SEC61A1: variants seen among roughly 807,000 people sequenced by gnomAD.
SEC61A1 encodes protein transport protein Sec61 subunit alpha isoform 1.
A neutral mutation model predicts 55.2 loss-of-function variants in SEC61A1; 15 were observed. The observed-to-expected ratio is 0.27, with a 90% CI of 0.18 to 0.42. SEC61A1 has a LOEUF of 0.42. Ranked by LOEUF, SEC61A1 falls within the 10% of genes least tolerant of loss-of-function variation. The pLI is 1.00. For synonymous variants in SEC61A1, 247 were observed against 234.0 expected (o/e 1.06, Z -0.51); for missense variants, 284 against 602.6 (o/e 0.47, Z 5.53).
rs1457241211 is a variant in SEC61A1 at position 128,067,320 on chromosome 3, C to T, written c.976-101C>T. The T allele has an allele frequency of 1.3e-5, 17 of 1,350,162 alleles. No homozygotes were observed. Among genetic ancestry groups the T allele is most frequent in the South Asian group, 2.7e-5 (2 of 73,470 alleles). The allele number at this position is 1,350,162 out of a possible 1,614,324, so 83.6% of individuals were successfully genotyped here. ...AGTAAAAAAATTGTACTGTGGGCAC[C>T]GAGTAAAATTGCATTCTTTCATCTG... On this transcript the variant is annotated intron_variant, in intron 9 of 11. Transcript: ENST00000243253. The surrounding 1 kb of genome is among the most constrained non-coding windows in gnomAD (Gnocchi z 4.1).
chr3:128,067,037 C>A lies in SEC61A1; in HGVS notation c.861C>A (p.Ser287=), dbSNP rs751387909. The A allele has an allele frequency of 6.2e-7, 1 of 1,614,188 alleles. No individual in the cohort carries two copies. Among genetic ancestry groups the A allele is most frequent in the Non-Finnish European group, 8.5e-7 (1 of 1,180,016 alleles). ...NTYPIKLFYT[S]NIPIILQSAL... ...ATCCCATCAAGCTCTTCTATACGTC[C>A]AACATCCCCATCATCCTGCAGTCTG... Residue 287 remains serine (S), a synonymous_variant, in exon 9 of 12, where the codon TCC becomes TCA. Coordinates refer to ENST00000243253, the MANE Select transcript of SEC61A1 (RefSeq NM_013336.4). The surrounding 1 kb of genome is among the most constrained non-coding windows in gnomAD (Gnocchi z 4.1).
upstream of SEC61A1, chr3:128,052,318 C>G: frequency 2.6e-6 from 1 of 383,870 alleles, no homozygotes; most frequent in Non-Finnish European, 3.6e-6. Flanking sequence ...GGCGAAGCGG[C>G]GCGGCGCGGC....
rs1941709060 is a variant in SEC61A1 at position 128,052,752 on chromosome 3, C to A, written c.8-83C>A. ...TCCCCTGGCCCCTGCTCTCACTCGT[C>A]GTGGGCAGAAGGCGTCCCTGGGTAG... On this transcript the variant is annotated intron_variant, in intron 1 of 11. Coordinates refer to ENST00000243253, the MANE Select transcript of SEC61A1 (RefSeq NM_013336.4). 6 of 1,510,726 alleles carry A rather than the reference C, an allele frequency of 4.0e-6. No homozygotes were observed. In the East Asian group the frequency reaches 6.8e-5, roughly 17 times the overall value. The allele number at this position is 1,510,726 out of a possible 1,614,324, so 93.6% of individuals were successfully genotyped here.
Position 128,069,731 on chromosome 3 carries a change from G to A in SEC61A1, c.*69G>A, listed in dbSNP as rs765520317. ...TCGGAAGGGGAGCTCTCATCATGGC[G>A]CGTGCTGCTGCGGCATATGGACTTT... On this transcript the variant is annotated 3_prime_UTR_variant, in exon 12 of 12. Coordinates refer to ENST00000243253, the MANE Select transcript of SEC61A1 (RefSeq NM_013336.4). 6.2e-6 allele frequency: 8 copies of A among 1,298,392 alleles called. No homozygotes were observed. Among genetic ancestry groups the A allele is most frequent in the East Asian group, 2.3e-5 (1 of 43,020 alleles). 80.4% of individuals were successfully genotyped at this position (1,298,392 alleles called of 1,614,324 possible). A position where few individuals can be genotyped will look rare whatever the true frequency, so the allele number is the denominator to read the frequency against.
At chr3:128,056,404 A>G (rs1941771345) in intron 4 of SEC61A1, among the ~76,000 whole-genome samples, 1 of 152,192 alleles carries the variant, frequency 6.6e-6, no homozygotes, top group Non-Finnish European at 1.5e-5. Context: ...TGATGAAGAG[A>G]CGAACATTTC....
intron 4 of SEC61A1, 130 bp downstream of exon 4, chr3:128,055,881 G>GCA: frequency 4.1e-6 from 3 of 729,518 alleles, no homozygotes; most frequent in East Asian, 2.5e-5. Flanking sequence ...GAATGTTAAA[G>GCA]TGCTGTGTTG....
intron 8 of SEC61A1, chr3:128,065,321 A>C (rs2107648128): frequency 3.4e-6 from 2 of 591,062 alleles, no homozygotes; most frequent in East Asian, 5.6e-5. Context: ...TTAAGTTCTT[A>C]GTTCAAGAGA....
At chr3:128,058,344 G>GCCACCACGCCC (rs1391810226) in intron 5 of SEC61A1, among the ~76,000 whole-genome samples, 10 of 151,782 alleles carry the variant, frequency 6.6e-5, no homozygotes, top group Non-Finnish European at 1.5e-4. Flanking sequence ...AAGTAGCTGG[G>GCCACCACGCCC]ACTACAGGTG....
chr3:128,063,737 T>G (rs1941887806), intron 7 of SEC61A1, among the ~76,000 whole-genome samples: 1 of 152,224 alleles, frequency 6.6e-6, no homozygotes, highest in South Asian at 2.1e-4. Flanking sequence ...TTCCTGCCAG[T>G]AGAAGCAGCG....
Position 128,066,983 on chromosome 3 carries a change from G to A in SEC61A1, c.807G>A (p.Ser269=), listed in dbSNP as rs776717459. The change falls in exon 9 of 12, where the codon TCG becomes TCA. Residue 269 remains serine (S), a synonymous_variant. Transcript: ENST00000243253. ...QGFRVDLPIK[S]ARYRGQYNTY... ...TCCGAGTGGACCTGCCAATCAAGTCGGCCCGCTACCGTGGCCAGTACAACA... is the reference window on the plus strand; with the variant it reads ...TCCGAGTGGACCTGCCAATCAAGTCAGCCCGCTACCGTGGCCAGTACAACA... 38 of 1,614,026 alleles carry A rather than the reference G, an allele frequency of 2.4e-5. No individual in the cohort carries two copies. The highest frequency in any genetic ancestry group is 3.0e-5 in the Non-Finnish European group (35 of 1,180,038).
chr3:128,067,421 G>GACACGTCTTCTGGGGGCCCAGC lies in SEC61A1; in HGVS notation c.979_1000dup (p.Arg334HisfsTer55). 1 of 1,610,368 alleles carries GACACGTCTTCTGGGGGCCCAGC rather than the reference G, an allele frequency of 6.2e-7. No individual in the cohort carries two copies. The highest frequency in any genetic ancestry group is 8.5e-7 in the Non-Finnish European group (1 of 1,178,720). ...ATGCGTTTGGTTTCTTCTTCCCCAGGACACGTCTTCTGGGGGCCCAGCACG... is the reference window on the plus strand; with the variant it reads ...ATGCGTTTGGTTTCTTCTTCCCCAGGACACGTCTTCTGGGGGCCCAGCACACGTCTTCTGGGGGCCCAGCACG... On this transcript the variant is annotated frameshift_variant and splice_region_variant, in exon 10 of 12. Coordinates refer to ENST00000243253, the MANE Select transcript of SEC61A1 (RefSeq NM_013336.4). LOFTEE classifies it high-confidence loss of function. This position sits in a 1 kb window ranked among gnomAD's most constrained non-coding sequence, Gnocchi z 4.1.
chr3:128,057,265 T>TG (rs1238079535), intron 5 of SEC61A1, among the ~76,000 whole-genome samples: 1 of 152,214 alleles, frequency 6.6e-6, no homozygotes, highest in Non-Finnish European at 1.5e-5. Context: ...GCAACCTCCT[T>TG]GGCCTGCCAA....
chr3:128,057,826 C>T (rs980085027), intron 5 of SEC61A1, among the ~76,000 whole-genome samples: 1 of 42,198 alleles, frequency 2.4e-5, no homozygotes, highest in Non-Finnish European at 4.6e-5. Context: ...AGCCATTGCA[C>T]TCAAACATGG....
At position 128,069,885 on chromosome 3, in the gene SEC61A1, C is replaced by T. The variant is rs1942105294; in HGVS notation, c.*223C>T. ...CTGTGAAAGTGAAATTTTATTCAGCCGACTGCCAGAGAAGTGGGAATGGTA... is the reference window on the plus strand; with the variant it reads ...CTGTGAAAGTGAAATTTTATTCAGCTGACTGCCAGAGAAGTGGGAATGGTA... On this transcript the variant is annotated 3_prime_UTR_variant, in exon 12 of 12. Transcript: ENST00000243253. 7 of 541,248 alleles carry T rather than the reference C, an allele frequency of 1.3e-5. No individual in the cohort carries two copies. Among genetic ancestry groups the T allele is most frequent in the Middle Eastern group, 4.9e-4 (1 of 2,032 alleles). 33.5% of individuals were successfully genotyped at this position (541,248 alleles called of 1,614,324 possible). A position where few individuals can be genotyped will look rare whatever the true frequency, so the allele number is the denominator to read the frequency against.
At chr3:128,053,481 T>G (rs1429415972) in intron 2 of SEC61A1, among the ~76,000 whole-genome samples, 1 of 152,054 alleles carries the variant, frequency 6.6e-6, no homozygotes, top group African/African-American at 2.4e-5. Context: ...TTGTGTGGAG[T>G]GAGTGTTGCC....
In SEC61A1 at chr3:128,067,661, A is replaced by AT. The variant is rs778524409; in HGVS notation, c.1167+50dup. The AT allele has an allele frequency of 1.4e-6, 2 of 1,439,282 alleles. No individual in the cohort carries two copies. Among genetic ancestry groups the AT allele is most frequent in the Non-Finnish European group, 1.9e-6 (2 of 1,038,064 alleles). 89.2% of individuals were successfully genotyped at this position (1,439,282 alleles called of 1,614,324 possible). A position where few individuals can be genotyped will look rare whatever the true frequency, so the allele number is the denominator to read the frequency against. ...GAAGGGTGATGAAAGTGTGACTGGT[A>AT]TAAGGGGTGTGGACTTGTCACCTCA... On this transcript the variant is annotated intron_variant, in intron 10 of 11. Transcript: ENST00000243253. This position sits in a 1 kb window ranked among gnomAD's most constrained non-coding sequence, Gnocchi z 4.1.
At chr3:128,069,133 A>G (rs1283106512) in intron 11 of SEC61A1, among the ~76,000 whole-genome samples, 1 of 152,268 alleles carries the variant, frequency 6.6e-6, no homozygotes, top group Non-Finnish European at 1.5e-5. Flanking sequence ...TAAATTTAAT[A>G]TATTTAACCT....
intron 7 of SEC61A1, 49 bp downstream of exon 7, chr3:128,060,710 T>C (rs377635131): frequency 8.9e-6 from 14 of 1,578,856 alleles, no homozygotes; most frequent in Non-Finnish European, 2.6e-6. Flanking sequence ...GCAAAAACAA[T>C]TGAGCAATGC....
chr3:128,059,409 G>A (rs945895312), intron 5 of SEC61A1, among the ~76,000 whole-genome samples: 1 of 151,648 alleles, frequency 6.6e-6, no homozygotes, highest in Non-Finnish European at 1.5e-5. Context: ...GGAGGTGGAG[G>A]TTGCAGTGAG....
Sources: gnomAD v4.1 joint callset for allele counts (sites outside exome capture counted in the v4.1 genomes callset) on GRCh38, gnomAD v4.1.1 for gene constraint, Gnocchi (gnomAD v3.1) non-coding constraint, MANE v1.5 for transcripts, NCBI Gene and HGNC (gene_info 2026-07-23, HGNC 2026-07-21) for gene names.